Variants in ARHGAP28 observed in about 807,000 individuals in gnomAD.
ARHGAP28 encodes Rho GTPase activating protein 28, also known as rho GTPase-activating protein 28.
Under a neutral mutation model 90.7 loss-of-function variants are expected in ARHGAP28, and 56 were observed. The ratio of observed to expected loss-of-function variants is 0.62; its 90% CI spans 0.50 to 0.77. The LOEUF (loss-of-function observed/expected upper bound fraction) is 0.77. Ranked by LOEUF, ARHGAP28 falls within the 30% of genes least tolerant of loss-of-function variation. The pLI, the probability that ARHGAP28 is intolerant of heterozygous loss-of-function variation, is 0.00. For synonymous variants in ARHGAP28, 308 were observed against 323.3 expected (o/e 0.95, Z 0.51); for missense variants, 869 against 900.9 (o/e 0.96, Z 0.45).
chr18:6,905,172 C>T (rs894821680), intron 16 of ARHGAP28, among the ~76,000 whole-genome samples: 21 of 151,780 alleles, frequency 1.4e-4, no homozygotes, highest in African/African-American at 4.8e-4. Flanking sequence ...AAATTATCAG[C>T]AAAATAGCTA....
intron 1 of ARHGAP28, among the ~76,000 whole-genome samples, chr18:6,755,547 A>G (rs2056102518): frequency 6.6e-6 from 1 of 152,176 alleles, no homozygotes; most frequent in Admixed American, 6.5e-5. Context: ...AATTATTAAA[A>G]CCATATGAAA....
chr18:6,733,125 C>T (rs1202020797), intron 1 of ARHGAP28, among the ~76,000 whole-genome samples: 1 of 152,094 alleles, frequency 6.6e-6, no homozygotes, highest in Middle Eastern at 3.2e-3. Context: ...GTGAAACCAC[C>T]TGAAGTCACA....
chr18:6,756,581 G>C (rs116708067), intron 1 of ARHGAP28, among the ~76,000 whole-genome samples: 1,606 of 152,258 alleles, frequency 0.011, 39 homozygotes, highest in African/African-American at 0.037. Context: ...GGGTTTTCTA[G>C]AAGGACAGAA....
chr18:6,867,984 T>G (rs371009482), intron 5 of ARHGAP28, among the ~76,000 whole-genome samples, 166 bp from the exon 6 acceptor site: 1 of 152,212 alleles, frequency 6.6e-6, no homozygotes, highest in Admixed American at 6.5e-5. Context: ...ACATCCAAAC[T>G]GAATGCAGAA....
At chr18:6,877,077 G>C (rs906284131) in intron 10 of ARHGAP28, among the ~76,000 whole-genome samples, 1 of 151,992 alleles carries the variant, frequency 6.6e-6, no homozygotes, top group Non-Finnish European at 1.5e-5. Flanking sequence ...ATGTGGTAAT[G>C]TTTATCAAAA....
At chr18:6,821,657 C>A (rs1390593900) in intron 1 of ARHGAP28, among the ~76,000 whole-genome samples, 1 of 152,218 alleles carries the variant, frequency 6.6e-6, no homozygotes, top group African/African-American at 2.4e-5. Flanking sequence ...TGCTGTCTGA[C>A]TTCTTTGCCA....
rs753761892 is a variant in ARHGAP28, at chr18:6,772,477, C to T, written c.122+42534C>T. 5.3e-5 allele frequency among the ~76,000 whole-genome samples: 8 copies of T among 152,250 alleles called. No homozygotes were observed. In the South Asian group the frequency reaches 1.2e-3, roughly 24 times the overall value. On this transcript the variant is annotated intron_variant, in intron 1 of 17. Coordinates refer to ENST00000383472, the MANE Select transcript of ARHGAP28 (RefSeq NM_001366230.1). The stretch of plus-strand genomic sequence containing the variant: ...AAAGTGACATGTGTTCTGTAGAGAC[C>T]ATACTTGGAGTACCCATTCAACCAT...
chr18:6,896,899 C>CTTTTATTTTA lies in ARHGAP28; in HGVS notation c.2030+287_2030+296dup, dbSNP rs1222805432. 540 of 263,674 alleles carry CTTTTATTTTA rather than the reference C, an allele frequency of 2.0e-3. 8 individuals carry two copies. Among genetic ancestry groups the CTTTTATTTTA allele is most frequent in the African/African-American group, 0.011 (498 of 44,640 alleles). The allele number at this position is 263,674 out of a possible 1,614,324, so 16.3% of individuals were successfully genotyped here. ...GCTTCATTTATTCAGTGAGTTTTAC[C>CTTTTATTTTA]TTTTATTTTATTTTATTTTATTTAT... On this transcript the variant is annotated intron_variant, in intron 16 of 17. Coordinates refer to ENST00000383472, the MANE Select transcript of ARHGAP28 (RefSeq NM_001366230.1).
intron 1 of ARHGAP28, among the ~76,000 whole-genome samples, chr18:6,752,838 C>T (rs1273021907): frequency 6.6e-6 from 1 of 152,148 alleles, no homozygotes; most frequent in Non-Finnish European, 1.5e-5. Context: ...GAAGTTTGGG[C>T]TTCTAAGAAA....
At chr18:6,828,142 A>C (rs567077583) in intron 2 of ARHGAP28, among the ~76,000 whole-genome samples, 190 of 152,260 alleles carry the variant, frequency 1.2e-3, no homozygotes, top group Middle Eastern at 3.4e-3. Flanking sequence ...CGCGGTTAGG[A>C]GCTGGAGACC....
At chr18:6,760,458 A>G (rs2056150261) in intron 1 of ARHGAP28, among the ~76,000 whole-genome samples, 1 of 152,218 alleles carries the variant, frequency 6.6e-6, no homozygotes, top group Non-Finnish European at 1.5e-5. Flanking sequence ...GACATACAGT[A>G]AAATAATGAA....
Position 6,855,984 on chromosome 18 carries a change from G to C in ARHGAP28, c.637-3824G>C, listed in dbSNP as rs376204051. On this transcript the variant is annotated intron_variant, in intron 4 of 17. Coordinates refer to ENST00000383472, the MANE Select transcript of ARHGAP28 (RefSeq NM_001366230.1). ...CGCACCTAGCTTGCCCTTGGCAGGC[G>C]TGGGATCTGGGCCAGTAGCACAAGC... Among the ~76,000 whole-genome samples, 11 of 152,342 alleles carry C rather than the reference G, an allele frequency of 7.2e-5. No individual in the cohort carries two copies. In the East Asian group the frequency reaches 1.4e-3, roughly 19 times the overall value.
At chr18:6,782,732 G>A (rs556011718) in intron 1 of ARHGAP28, among the ~76,000 whole-genome samples, 4 of 147,976 alleles carry the variant, frequency 2.7e-5, no homozygotes, top group East Asian at 4.0e-4. Context: ...TTACAGGCGT[G>A]AGCCACCACA....
intron 4 of ARHGAP28, among the ~76,000 whole-genome samples, chr18:6,852,667 T>C (rs2056919790): frequency 6.6e-6 from 1 of 152,210 alleles, no homozygotes; most frequent in African/African-American, 2.4e-5. Flanking sequence ...TTTCCTTTCG[T>C]GTTGCCGCCT....
At chr18:6,733,339 G>A (rs1453358738) in intron 1 of ARHGAP28, among the ~76,000 whole-genome samples, 1 of 151,880 alleles carries the variant, frequency 6.6e-6, no homozygotes, top group Non-Finnish European at 1.5e-5. Context: ...ATTTGCATGG[G>A]GCAGTCTGCT....
At chr18:6,865,755 A>C (rs1047584958) in intron 5 of ARHGAP28, among the ~76,000 whole-genome samples, 1 of 152,184 alleles carries the variant, frequency 6.6e-6, no homozygotes, top group Non-Finnish European at 1.5e-5. Flanking sequence ...CTACAATTTA[A>C]AATTTAACAT....
At position 6,837,338 on chromosome 18, in the gene ARHGAP28, A is replaced by T. The variant is rs1489539772; in HGVS notation, c.467A>T (p.Tyr156Phe). 1 of 1,613,818 alleles carries T rather than the reference A, an allele frequency of 6.2e-7. No individual in the cohort carries two copies. The highest frequency in any genetic ancestry group is 8.5e-7 in the Non-Finnish European group (1 of 1,180,028). ...AAAVQKRYHTYTQTMRKKDKQ... is the reference protein window; with the variant it reads ...AAAVQKRYHTFTQTMRKKDKQ... ...GCCGTGCAAAAGAGATACCATACCT[A>T]TACCCAAACCATGAGGAAAAAGGAT... The change falls in exon 3 of 18, where the codon TAT becomes TTT. Residue 156 changes from tyrosine to phenylalanine, a missense_variant. Transcript: ENST00000383472.
intron 1 of ARHGAP28, among the ~76,000 whole-genome samples, chr18:6,760,079 A>G (rs34902666): frequency 0.11 from 16,133 of 152,186 alleles, 1,007 homozygotes; most frequent in South Asian, 0.21. Flanking sequence ...TCATGGAATT[A>G]TATCCTAACT....
chr18:6,870,015 T>C (rs2057070821), intron 6 of ARHGAP28, among the ~76,000 whole-genome samples: 1 of 152,214 alleles, frequency 6.6e-6, no homozygotes, highest in Admixed American at 6.5e-5. Flanking sequence ...ATGTATGTCA[T>C]ACAAGATCAG....
Sources: allele counts gnomAD v4.1 joint callset (sites outside exome capture counted in the v4.1 genomes callset), GRCh38; gene constraint gnomAD v4.1.1; transcripts MANE v1.5; gene names NCBI Gene and HGNC (gene_info 2026-07-23, HGNC 2026-07-21).